The following CLUH variants were observed in gnomAD, a reference collection of about 807,000 sequenced individuals.
CLUH encodes CLUH binding protein of NUMT mRNA.
In CLUH, 77 loss-of-function variants were observed where a neutral mutation model predicts 139.3. That is an observed-to-expected ratio of 0.55 (90% confidence interval 0.46 to 0.67). The LOEUF is 0.67. CLUH is among the 30% of genes least tolerant of loss of function. The probability of loss-of-function intolerance (pLI) is 0.00; values close to 1 mark genes in which losing one functional copy is unlikely to be tolerated. For missense variants in CLUH, 1,876 were observed against 1,875.8 expected (o/e 1.00, Z 0.00); for synonymous variants, 999 against 801.6 (o/e 1.25, Z -4.16).
chr17:2,703,350 A>T lies in CLUH; in HGVS notation c.443T>A (p.Leu148Gln). The change falls in exon 3 of 26, where the codon CTG (leucine) becomes CAG (glutamine). Residue 148 changes from leucine to glutamine, a missense_variant. This residue lies in a region of CLUH where 270 missense variants were observed against 354.7 expected (regional missense o/e 0.76). Coordinates refer to ENST00000651024, the MANE Select transcript of CLUH (RefSeq NM_001366661.1). The surrounding 1 kb of genome is among the most constrained non-coding windows in gnomAD (Gnocchi z 4.2). ...HFSELRSVEG[L>Q]QEGSVLRVVE... ...CACACGCAGCACAGAGCCCTCCTGCAGCCCCTCGACGCTGCGCAGCTCCGA... is the reference window on the plus strand; with the variant it reads ...CACACGCAGCACAGAGCCCTCCTGCTGCCCCTCGACGCTGCGCAGCTCCGA... The T allele has an allele frequency of 1.9e-6, 3 of 1,612,834 alleles. No individual in the cohort carries two copies. Among genetic ancestry groups the T allele is most frequent in the Non-Finnish European group, 2.5e-6 (3 of 1,179,588 alleles).
intron 23 of CLUH, 49 bp downstream of exon 23, chr17:2,691,955 C>CCG (rs1486318615): frequency 2.2e-6 from 1 of 445,460 alleles, no homozygotes; most frequent in Non-Finnish European, 3.1e-6. Flanking sequence ...GCCCCCGCCC[C>CCG]GCCACGCCCC....
rs1451706723 is a variant in CLUH at position 2,696,430 on chromosome 17, C to G, written c.2290+4G>C. Reference sequence around the variant, plus strand: ...TCCTGCGCTGGCCGGCCCCCACCACCTGCCTGGTGAGAAGATGTCAGGATT... The same window carrying G: ...TCCTGCGCTGGCCGGCCCCCACCACGTGCCTGGTGAGAAGATGTCAGGATT... On this transcript the variant is annotated splice_donor_region_variant and intron_variant, in intron 12 of 25. Transcript: ENST00000651024. 24 of 1,580,554 alleles carry G rather than the reference C, an allele frequency of 1.5e-5. No homozygotes were observed. Among genetic ancestry groups the G allele is most frequent in the Admixed American group, 3.6e-5 (2 of 55,084 alleles).
At chr17:2,694,822 T>TAC in intron 16 of CLUH, 35 bp downstream of exon 16, 449 of 1,346,144 alleles carry the variant, frequency 3.3e-4, no homozygotes, top group Middle Eastern at 6.6e-4. Flanking sequence ...ATCTGCCCAA[T>TAC]CCCACCCACC....
At position 2,694,206 on chromosome 17, in the gene CLUH, A is replaced by G; in HGVS notation, c.3008T>C (p.Ile1003Thr). 6.2e-7 allele frequency: 1 copy of G among 1,613,492 alleles called. No individual in the cohort carries two copies. Among genetic ancestry groups the G allele is most frequent in the Non-Finnish European group, 8.5e-7 (1 of 1,179,700 alleles). ...GTTGACGTGCTTGACCACGGGGAAG[A>G]TGTTGAGCACGTCCTCCTCGGTGAA... ...PAFTEEDVLNIFPVVKHVNPK... is the reference protein window; with the variant it reads ...PAFTEEDVLNTFPVVKHVNPK... The change falls in exon 18 of 26, where the codon ATC becomes ACC. Residue 1003 changes from isoleucine to threonine, a missense_variant. By Grantham distance (89) the Ile-to-Thr change is moderately conservative (BLOSUM62 -1). Transcript: ENST00000651024.
At chr17:2,698,659 G>A (rs1043302910) in intron 9 of CLUH, 69 bp from the exon 10 acceptor site, 40 of 1,416,350 alleles carry the variant, frequency 2.8e-5, no homozygotes, top group Admixed American at 1.9e-4. Flanking sequence ...CTGGCCAAGC[G>A]CACGCACCTA....
Position 2,696,183 on chromosome 17 carries a change from C to T in CLUH, c.2367G>A (p.Leu789=). ...CCAAGCCAGGGATCTGGCAGGAGAGCAGGAAGGCAGCCGCGTCCTTCAGCA... is the reference window on the plus strand; with the variant it reads ...CCAAGCCAGGGATCTGGCAGGAGAGTAGGAAGGCAGCCGCGTCCTTCAGCA... ...KQLLKDAAAF[L]LSCQIPGLVK... is the part of the protein sequence containing the mutation. The change falls in exon 13 of 26, where the codon CTG becomes CTA. Residue 789 remains leucine (L), a synonymous_variant. Transcript: ENST00000651024. The T allele has an allele frequency of 6.4e-7, 1 of 1,566,966 alleles. No homozygotes were observed. The highest frequency in any genetic ancestry group is 8.6e-7 in the Non-Finnish European group (1 of 1,156,340).
rs920750431 is a variant in CLUH, at chr17:2,706,951, C to A, written c.101-2387G>T. Among the ~76,000 whole-genome samples the A allele has an allele frequency of 2.0e-5, 3 of 152,242 alleles. No homozygotes were observed. Among genetic ancestry groups the A allele is most frequent in the Non-Finnish European group, 4.4e-5 (3 of 68,050 alleles). On this transcript the variant is annotated intron_variant, in intron 1 of 25. Transcript: ENST00000651024. The surrounding 1 kb of genome is among the most constrained non-coding windows in gnomAD (Gnocchi z 4.6). Reference sequence around the variant, plus strand: ...CAAGGCAAGGTGGCCGCGGCTCCCACTCTCCTTCCCCAGCCCAGGGAGACG... The same window carrying A: ...CAAGGCAAGGTGGCCGCGGCTCCCAATCTCCTTCCCCAGCCCAGGGAGACG...
Position 2,692,849 on chromosome 17 carries a change from G to A in CLUH, c.3243C>T (p.Asn1081=). The change falls in exon 20 of 26, where the codon AAC becomes AAT. Residue 1081 remains asparagine, a synonymous_variant. Transcript: ENST00000651024. ...IMGDYAEALS[N]QQKAVLMSER... Reference sequence around the variant, plus strand: ...CGCTCATCAGCACCGCCTTCTGCTGGTTACTCAGGGCCTGGGGAGAGACAG... The same window carrying A: ...CGCTCATCAGCACCGCCTTCTGCTGATTACTCAGGGCCTGGGGAGAGACAG... 1 of 1,598,454 alleles carries A rather than the reference G, an allele frequency of 6.3e-7. No individual in the cohort carries two copies.
Position 2,692,640 on chromosome 17 carries a change from C to G in CLUH, c.3369G>C (p.Leu1123=). 6.2e-7 allele frequency: 1 copy of G among 1,612,818 alleles called. No homozygotes were observed. Among genetic ancestry groups the G allele is most frequent in the Non-Finnish European group, 8.5e-7 (1 of 1,179,508 alleles). ...GCATGAGGTAGCGGGCGCGGTACAG[C>G]AGGCTCAGGGCGGTGGACAGCTGGC... is the stretch of plus-strand genomic sequence containing the variant. ...ASSQLSTALS[L]LYRARYLMLL... is the part of the protein sequence containing the mutation. The change falls in exon 21 of 26, where the codon CTG becomes CTC. Residue 1123 remains leucine, a synonymous_variant. Coordinates refer to ENST00000651024, the MANE Select transcript of CLUH (RefSeq NM_001366661.1).
rs774727415 is a variant in CLUH, at chr17:2,698,391, T to C, written c.1466A>G (p.Asn489Ser). The C allele has an allele frequency of 1.9e-6, 3 of 1,613,176 alleles. No individual in the cohort carries two copies. The highest frequency in any genetic ancestry group is 4.5e-5 in the East Asian group (2 of 44,860). Residue 489 changes from asparagine to serine, a missense_variant, in exon 10 of 26, where the codon AAC becomes AGC. Physicochemically the swap from Asn to Ser is conservative, Grantham distance 46. Coordinates refer to ENST00000651024, the MANE Select transcript of CLUH (RefSeq NM_001366661.1). ...GDVAAYVAPT[N>S]DLNGVRTYNA... Reference sequence around the variant, plus strand: ...GTACGTGCGGACGCCATTCAGGTCGTTGGTGGGCGCCACGTAGGCCGCCAC... The same window carrying C: ...GTACGTGCGGACGCCATTCAGGTCGCTGGTGGGCGCCACGTAGGCCGCCAC...
At chr17:2,694,821 A>AAACCCCC in intron 16 of CLUH, 36 bp downstream of exon 16, 65 of 1,446,306 alleles carry the variant, frequency 4.5e-5, no homozygotes, top group Non-Finnish European at 5.8e-5. Flanking sequence ...CATCTGCCCA[A>AAACCCCC]TCCCACCCAC....
intron 4 of CLUH, 55 bp from the exon 5 acceptor site, chr17:2,701,792 C>A: frequency 6.4e-7 from 1 of 1,560,478 alleles, no homozygotes; most frequent in Non-Finnish European, 8.7e-7. Context: ...CAGCTGTCTC[C>A]CTACCTCCTG....
At chr17:2,709,033 G>A (rs2070436305) in intron 1 of CLUH, among the ~76,000 whole-genome samples, 1 of 152,214 alleles carries the variant, frequency 6.6e-6, no homozygotes, top group Non-Finnish European at 1.5e-5. Context: ...ACAGCACTCT[G>A]CATACACGCA....
intron 16 of CLUH, 103 bp from the exon 17 acceptor site, chr17:2,694,667 TGCCCCACC>T (rs2069859330): frequency 1.7e-6 from 2 of 1,176,572 alleles, no homozygotes; most frequent in African/African-American, 3.8e-5. Context: ...CCCCCAACAC[TGCCCCACC>T]CGGCCCCCGG....
At chr17:2,694,334 C>T in intron 17 of CLUH, 58 bp from the exon 18 acceptor site, 3 of 1,539,156 alleles carry the variant, frequency 1.9e-6, no homozygotes, top group Non-Finnish European at 1.8e-6. Context: ...CGGGTTGGCA[C>T]CTCCCAACCC....
chr17:2,711,095 G>A (rs1488198080), intron 1 of CLUH: 1 of 152,254 alleles, frequency 6.6e-6, no homozygotes, highest in East Asian at 1.9e-4. Context: ...GCCTCGAGCG[G>A]AGCTTCACTC....
In CLUH at chr17:2,706,958, TC is replaced by T. The variant is rs930835865; in HGVS notation, c.101-2395del. On this transcript the variant is annotated intron_variant, in intron 1 of 25. Transcript: ENST00000651024. This position sits in a 1 kb window ranked among gnomAD's most constrained non-coding sequence, Gnocchi z 4.6. ...AGGTGGCCGCGGCTCCCACTCTCCTTCCCCAGCCCAGGGAGACGACCCTCAG... is the reference window on the plus strand; with the variant it reads ...AGGTGGCCGCGGCTCCCACTCTCCTTCCCAGCCCAGGGAGACGACCCTCAG... Among the ~76,000 whole-genome samples, 3 of 152,068 alleles carry T rather than the reference TC, an allele frequency of 2.0e-5. No individual in the cohort carries two copies. The highest frequency in any genetic ancestry group is 7.2e-5 in the African/African-American group (3 of 41,394).
rs756411722 is a variant in CLUH at position 2,691,905 on chromosome 17, G to A, written c.3655-10C>T. The stretch of plus-strand genomic sequence containing the variant: ...CATGGTCCTCGCCCAGCTGCGGGGA[G>A]GCGGGAAGGGATCAGGCCCCCCCGT... On this transcript the variant is annotated splice_polypyrimidine_tract_variant and intron_variant, in intron 23 of 25. Coordinates refer to ENST00000651024, the MANE Select transcript of CLUH (RefSeq NM_001366661.1). The A allele has an allele frequency of 1.3e-5, 19 of 1,515,336 alleles. No homozygotes were observed. The East Asian group carries it at 2.5e-4, about 20-fold the overall frequency. 93.9% of individuals were successfully genotyped at this position (1,515,336 alleles called of 1,614,324 possible).
Position 2,701,653 on chromosome 17 carries a change from C to T in CLUH, c.704G>A (p.Arg235Gln), listed in dbSNP as rs770933896. ...PEYILPGSRE[R>Q]PLCPLQPQNR... ...TTGGGGCTGCAGGGGACACAGTGGC[C>T]GCTCCCGGCTCCCTGGCAGGATGTA... The change falls in exon 5 of 26, where the codon CGG becomes CAG. Residue 235 changes from arginine (R) to glutamine (Q), a missense_variant. Transcript: ENST00000651024. The T allele has an allele frequency of 5.0e-6, 8 of 1,603,012 alleles. No homozygotes were observed. The highest frequency in any genetic ancestry group is 2.2e-5 in the South Asian group (2 of 89,314).
Sources: gnomAD v4.1 joint callset for allele counts (sites outside exome capture counted in the v4.1 genomes callset) on GRCh38, gnomAD v4.1.1 for gene constraint, gnomAD v4.1.1 regional missense constraint, Gnocchi (gnomAD v3.1) non-coding constraint, MANE v1.5 for transcripts, NCBI Gene and HGNC (gene_info 2026-07-23, HGNC 2026-07-21) for gene names.